Variants in SLU7 observed in about 807,000 individuals in gnomAD.
SLU7 encodes pre-mRNA-splicing factor SLU7.
In SLU7, 60 loss-of-function variants were observed where a neutral mutation model predicts 87.0. The observed-to-expected ratio is 0.69, with a 90% CI of 0.56 to 0.86. The LOEUF (loss-of-function observed/expected upper bound fraction) is 0.86. Ranked by LOEUF, SLU7 falls within the 40% of genes least tolerant of loss-of-function variation. SLU7 has a pLI of 0.00. For synonymous variants in SLU7, 197 were observed against 222.0 expected, an observed-to-expected ratio of 0.89 and a Z score of 1.00; for missense variants, 507 against 686.6, an observed-to-expected ratio of 0.74 and a Z score of 2.92.
intron 1 of SLU7, chr5:160,418,753 T>C (rs1474855415): frequency 6.6e-6 from 1 of 152,244 alleles, no homozygotes; most frequent in African/African-American, 2.4e-5. Context: ...AGTCCGGGGA[T>C]TGCTCAAGGT....
Position 160,414,339 on chromosome 5 carries a change from A to G in SLU7, c.304T>C (p.Tyr102His), listed in dbSNP as rs1335234885. 1 of 1,610,732 alleles carries G rather than the reference A, an allele frequency of 6.2e-7. No individual in the cohort carries two copies. Among genetic ancestry groups the G allele is most frequent in the Non-Finnish European group, 8.5e-7 (1 of 1,178,542 alleles). ...CATACCTCTTTTACACCCCTCTTGT[A>G]CCATTCTCCAGATGAGCTGAACTGC... ...QKQFSSSGEW[Y>H]KRGVKENSII... Residue 102 changes from tyrosine to histidine, a missense_variant, in exon 3 of 16, where the codon TAC becomes CAC. Physicochemically the swap from Tyr to His is moderately conservative, Grantham distance 83. Transcript: ENST00000297151.
chr5:160,409,886 A>T (rs1765161269), intron 6 of SLU7, among the ~76,000 whole-genome samples: 1 of 152,200 alleles, frequency 6.6e-6, no homozygotes. Context: ...AGCCACACAC[A>T]TACACAAAAG....
chr5:160,409,232 T>C (rs1458211274), intron 6 of SLU7, among the ~76,000 whole-genome samples: 2 of 152,104 alleles, frequency 1.3e-5, no homozygotes, highest in East Asian at 1.9e-4. Flanking sequence ...GTTTGGGCAA[T>C]GAAAAAAATC....
rs1765593066 is a variant in SLU7 at position 160,419,055 on chromosome 5, C to G, written c.-49G>C. ...CGCCGCAGCTAGCCCCAAGTCCATCCGACAGAATCCAAGCCAATCTCGTAA... is the reference window on the plus strand; with the variant it reads ...CGCCGCAGCTAGCCCCAAGTCCATCGGACAGAATCCAAGCCAATCTCGTAA... On this transcript the variant is annotated 5_prime_UTR_variant, in exon 1 of 16. Transcript: ENST00000297151. The G allele has an allele frequency of 2.6e-5, 4 of 152,268 alleles. No homozygotes were observed. In the South Asian group the frequency reaches 8.3e-4, roughly 31 times the overall value. The allele number at this position is 152,268 out of a possible 1,614,324, so 9.4% of individuals were successfully genotyped here.
At chr5:160,408,596 C>A in intron 7 of SLU7, 54 bp downstream of exon 7, 2 of 1,392,286 alleles carry the variant, frequency 1.4e-6, no homozygotes, top group Admixed American at 1.9e-5. Flanking sequence ...TTATTATTAG[C>A]CATCAGAAAT....
At chr5:160,411,944 TC>T (rs2113145016) in intron 6 of SLU7, among the ~76,000 whole-genome samples, 1 of 152,296 alleles carries the variant, frequency 6.6e-6, no homozygotes, top group African/African-American at 2.4e-5. Flanking sequence ...AGTGTTCTGG[TC>T]TTTTTTTCTG....
At chr5:160,417,975 T>G (rs1231650454) in intron 1 of SLU7, among the ~76,000 whole-genome samples, 1 of 152,142 alleles carries the variant, frequency 6.6e-6, no homozygotes, top group Non-Finnish European at 1.5e-5. Flanking sequence ...GTAGTTCCTC[T>G]AGTTCCTCTA....
chr5:160,410,882 T>C (rs1765202204), intron 6 of SLU7, among the ~76,000 whole-genome samples: 1 of 151,904 alleles, frequency 6.6e-6, no homozygotes, highest in Admixed American at 6.6e-5. Context: ...TTTTTTTTTT[T>C]TTGAGACGGA....
rs57812151 is a variant in SLU7, at chr5:160,412,523, TAA to T, written c.571-6_571-5del. The stretch of plus-strand genomic sequence containing the variant: ...GGGCTTTCAATGTTCGTTTTGCCTT[TAA>T]AAAAAAAAAAAAGAAAGAAAGAAAG... On this transcript the variant is annotated splice_polypyrimidine_tract_variant and splice_region_variant and intron_variant, in intron 5 of 15. Coordinates refer to ENST00000297151, the MANE Select transcript of SLU7 (RefSeq NM_006425.5). 1.2e-3 allele frequency: 980 copies of T among 834,830 alleles called. No homozygotes were observed. The highest frequency in any genetic ancestry group is 2.2e-3 in the South Asian group (87 of 39,920). The allele number at this position is 834,830 out of a possible 1,614,324, so 51.7% of individuals were successfully genotyped here. A position where few individuals can be genotyped will look rare whatever the true frequency, so the allele number is the denominator to read the frequency against.
chr5:160,417,883 A>G (rs1431944338), intron 1 of SLU7, among the ~76,000 whole-genome samples: 3 of 151,650 alleles, frequency 2.0e-5, no homozygotes, highest in African/African-American at 4.8e-5. Context: ...ACGGTCCACC[A>G]TGGTCTGGCA....
At chr5:160,404,738 A>G in intron 14 of SLU7, 71 bp downstream of exon 14, 1 of 1,120,618 alleles carries the variant, frequency 8.9e-7, no homozygotes, top group Non-Finnish European at 1.3e-6. Context: ...AGAAAAAAAA[A>G]AACTCAGGTG....
intron 14 of SLU7, 57 bp from the exon 15 acceptor site, chr5:160,404,613 C>G: frequency 8.1e-7 from 1 of 1,241,540 alleles, no homozygotes. Context: ...CTCAGGTGCA[C>G]TACTTGGGCG....
rs140452810 is a variant in SLU7 at position 160,404,515 on chromosome 5, TTTCTTC to T, written c.1500_1505del (p.Lys506_Lys507del). 38 of 1,610,586 alleles carry T rather than the reference TTTCTTC, an allele frequency of 2.4e-5. No individual in the cohort carries two copies. The highest frequency in any genetic ancestry group is 1.2e-4 in the African/African-American group (9 of 74,780). On this transcript the variant is annotated inframe_deletion, in exon 15 of 16. Coordinates refer to ENST00000297151, the MANE Select transcript of SLU7 (RefSeq NM_006425.5). ...TCTTTCGATGCTTCTTCTTTTTCTT[TTTCTTC>T]TTCTTCTTTTCCTCTTTCAGTTTTT... is the stretch of plus-strand genomic sequence containing the variant.
rs576852677 is a variant in SLU7, at chr5:160,407,085, C to T, written c.1125+391G>A. Among the ~76,000 whole-genome samples, 3 of 152,276 alleles carry T rather than the reference C, an allele frequency of 2.0e-5. No individual in the cohort carries two copies. Among genetic ancestry groups the T allele is most frequent in the Admixed American group, 6.5e-5 (1 of 15,296 alleles). On this transcript the variant is annotated intron_variant, in intron 11 of 15. Coordinates refer to ENST00000297151, the MANE Select transcript of SLU7 (RefSeq NM_006425.5). This position sits in a 1 kb window ranked among gnomAD's most constrained non-coding sequence, Gnocchi z 4.2. ...ATGCCATTTTAAAAAGCTGTGCTAC[C>T]CTACTAGAGGATGAAAGACCACATG... is the stretch of plus-strand genomic sequence containing the variant.
chr5:160,414,920 C>T (rs1045722781), intron 2 of SLU7, among the ~76,000 whole-genome samples: 6 of 151,954 alleles, frequency 3.9e-5, no homozygotes, highest in African/African-American at 1.2e-4. Flanking sequence ...GGGGTGGGAA[C>T]GGTAAAAAAG....
intron 1 of SLU7, among the ~76,000 whole-genome samples, chr5:160,416,889 T>C (rs1389033087): frequency 1.3e-5 from 2 of 152,208 alleles, no homozygotes; most frequent in Non-Finnish European, 1.5e-5. Context: ...TTCCCAAGTG[T>C]TGTGGGAGAG....
At position 160,402,170 on chromosome 5, in the gene SLU7, T is replaced by C. The variant is rs1347663725; in HGVS notation, c.*1115A>G. On this transcript the variant is annotated 3_prime_UTR_variant, in exon 16 of 16. Transcript: ENST00000297151. ...CAAACAAAGTAACAGCTGCTGGCTA[T>C]AAATATTAGGATATTCTACAATTTA... is the stretch of plus-strand genomic sequence containing the variant. 1 of 152,232 alleles carries C rather than the reference T, an allele frequency of 6.6e-6. No individual in the cohort carries two copies. The highest frequency in any genetic ancestry group is 1.5e-5 in the Non-Finnish European group (1 of 68,040). 9.4% of individuals were successfully genotyped at this position (152,232 alleles called of 1,614,324 possible).
At chr5:160,408,238 T>TACCCAGC (rs1765086859) in intron 8 of SLU7, 91 bp downstream of exon 8, 6 of 1,375,324 alleles carry the variant, frequency 4.4e-6, no homozygotes, top group Non-Finnish European at 6.0e-6. Flanking sequence ...TGACTCTGAC[T>TACCCAGC]ATATTATCCA....
Position 160,406,627 on chromosome 5 carries a change from A to G in SLU7, c.1128T>C (p.Tyr376=), listed in dbSNP as rs984752971. 96 of 1,602,468 alleles carry G rather than the reference A, an allele frequency of 6.0e-5. 1 individual carries two copies. The Admixed American group carries it at 1.6e-3, about 27-fold the overall frequency. The change falls in exon 12 of 16, where the codon TAT becomes TAC. Residue 376 remains tyrosine (Y), a splice_region_variant and synonymous_variant. Coordinates refer to ENST00000297151, the MANE Select transcript of SLU7 (RefSeq NM_006425.5). ...GGGCATCCAAATGTTCTTGGCCACC[A>G]TACTAAAAGGACATTGGACATTATT... ...EQQKESILEK[Y]GGQEHLDAPP...
Sources: gnomAD v4.1 joint callset for allele counts (sites outside exome capture counted in the v4.1 genomes callset) on GRCh38, gnomAD v4.1.1 for gene constraint, Gnocchi (gnomAD v3.1) non-coding constraint, MANE v1.5 for transcripts, NCBI Gene and HGNC (gene_info 2026-07-23, HGNC 2026-07-21) for gene names.